The following LRTM3 variants were observed in gnomAD, a reference collection of about 807,000 sequenced individuals.
LRTM3 encodes the protein leucine-rich repeat transmembrane protein 3.
chr13:102,736,539 T>C, the LRTM3 span: 4 of 1,551,194 alleles, frequency 2.6e-6, no homozygotes, highest in Non-Finnish European at 3.5e-6. Flanking sequence ...ATAAAGCTTC[T>C]TGTTATTCGT....
chr13:102,747,343 G>C, the LRTM3 span: 13 of 1,550,100 alleles, frequency 8.4e-6, no homozygotes, highest in Non-Finnish European at 1.1e-5. Context: ...TTTCAAAATT[G>C]CCTCCCATTT....
the LRTM3 span, among the ~76,000 whole-genome samples, chr13:102,753,257 T>C: frequency 3.3e-5 from 5 of 152,078 alleles, no homozygotes; most frequent in South Asian, 1.0e-3. Context: ...CACTCCTAAG[T>C]GGGAGTCTAA....
At chr13:102,743,382 C>A in the LRTM3 span, 1 of 1,550,530 alleles carries the variant, frequency 6.4e-7, no homozygotes, top group East Asian at 2.4e-5. Context: ...GGAAATGTAT[C>A]AGCCACATTT....
the LRTM3 span, among the ~76,000 whole-genome samples, chr13:102,756,064 A>G: frequency 2.7e-5 from 4 of 150,268 alleles, no homozygotes; most frequent in East Asian, 6.0e-4. Flanking sequence ...AGTTCAAGCC[A>G]TTCTCAGCCT....
the LRTM3 span, chr13:102,742,903 C>G: frequency 6.4e-7 from 1 of 1,550,644 alleles, no homozygotes. Flanking sequence ...TTGCCTCACT[C>G]AGTTCTGCAC....
At chr13:102,731,566 G>C in the LRTM3 span, 47 of 1,551,228 alleles carry the variant, frequency 3.0e-5, no homozygotes, top group Non-Finnish European at 7.0e-6. Context: ...ACTTCAAGTC[G>C]TCAGGCTTAT....
the LRTM3 span, chr13:102,736,722 G>T: frequency 6.5e-7 from 1 of 1,550,374 alleles, no homozygotes; most frequent in Non-Finnish European, 8.7e-7. Flanking sequence ...TGGGAAAGGG[G>T]TGATTTCTCT....
the LRTM3 span, chr13:102,742,421 T>G: frequency 6.5e-7 from 1 of 1,547,246 alleles, no homozygotes; most frequent in Non-Finnish European, 8.7e-7. Context: ...CTCTTGCTGT[T>G]TCTTTGGCAG....
At chr13:102,749,181 G>A in the LRTM3 span, 2 of 1,550,600 alleles carry the variant, frequency 1.3e-6, no homozygotes, top group Non-Finnish European at 1.7e-6. Flanking sequence ...ACTGTGATTT[G>A]AAATACTTGT....
the LRTM3 span, among the ~76,000 whole-genome samples, chr13:102,755,762 G>GT: frequency 6.3e-4 from 90 of 142,058 alleles, no homozygotes; most frequent in Middle Eastern, 7.5e-3. Context: ...ATGTATCCTG[G>GT]TTTTTTTTTT....
the LRTM3 span, among the ~76,000 whole-genome samples, chr13:102,757,975 T>C: frequency 2.0e-5 from 3 of 152,220 alleles, no homozygotes; most frequent in Non-Finnish European, 4.4e-5. Flanking sequence ...ATTTAATCCC[T>C]AGCACGGAGA....
chr13:102,755,901 ATGTGTG>A, the LRTM3 span, among the ~76,000 whole-genome samples: 202 of 98,852 alleles, frequency 2.0e-3, 2 homozygotes, highest in African/African-American at 5.8e-3. Context: ...ACACATATAT[ATGTGTG>A]TGTGTGTGTG....
At chr13:102,756,700 A>C in the LRTM3 span, among the ~76,000 whole-genome samples, 10,431 of 92,766 alleles carry the variant, frequency 0.11, 596 homozygotes, top group South Asian at 0.17. Flanking sequence ...AAAAAACAAA[A>C]AAACAAAAAG....
chr13:102,738,109 C>T, the LRTM3 span: 6 of 1,551,042 alleles, frequency 3.9e-6, no homozygotes, highest in Non-Finnish European at 5.2e-6. Flanking sequence ...CTTCTTGATC[C>T]ATTTTCCCTG....
chr13:102,731,986 G>A, the LRTM3 span: 2 of 1,551,286 alleles, frequency 1.3e-6, no homozygotes, highest in Non-Finnish European at 8.7e-7. Flanking sequence ...GTGCCTTTAA[G>A]TATTTTTTAT....
the LRTM3 span, chr13:102,737,575 T>C: frequency 6.4e-7 from 1 of 1,550,864 alleles, no homozygotes; most frequent in Non-Finnish European, 8.7e-7. Flanking sequence ...TCCCTGGCTC[T>C]TTAGGATTCA....
At chr13:102,735,424 C>T in the LRTM3 span, 2 of 1,551,310 alleles carry the variant, frequency 1.3e-6, no homozygotes, top group Non-Finnish European at 1.7e-6. Flanking sequence ...TCACGTTCTC[C>T]TGTCCTTCTG....
the LRTM3 span, chr13:102,758,788 T>C: frequency 1.9e-6 from 3 of 1,550,464 alleles, no homozygotes; most frequent in South Asian, 1.2e-5. Context: ...ATCTCAAAAA[T>C]AATTCCTAGT....
At chr13:102,735,770 A>G in the LRTM3 span, 504 of 1,544,648 alleles carry the variant, frequency 3.3e-4, 2 homozygotes, top group African/African-American at 6.2e-3. Context: ...CTGAATCTTT[A>G]GTGGTGGAAA....
Sources: allele counts gnomAD v4.1 joint callset (sites outside exome capture counted in the v4.1 genomes callset), GRCh38; gene constraint gnomAD v4.1.1; transcripts MANE v1.5; gene names NCBI Gene and HGNC (gene_info 2026-07-23, HGNC 2026-07-21).